Variants in C6orf132 observed in about 807,000 individuals in gnomAD.
C6orf132 encodes the protein chromosome 6 open reading frame 132, also known as uncharacterized protein C6orf132.
C6orf132 carries 43 observed loss-of-function variants against 65.3 expected under a neutral mutation model. That is an observed-to-expected ratio of 0.66 (90% CI 0.52 to 0.85). The LOEUF is 0.85. Among genes scored for constraint, C6orf132 ranks in the 40% least tolerant of loss-of-function variants. C6orf132 has a pLI of 0.00. For missense variants in C6orf132, 1,488 were observed against 1,548.8 expected (o/e 0.96, Z 0.66); for synonymous variants, 631 against 654.1 (o/e 0.96, Z 0.54).
Position 42,101,674 on chromosome 6 carries a change from A to G in C6orf132, c.*2087T>C, listed in dbSNP as rs1766285239. 1 of 152,230 alleles carries G rather than the reference A, an allele frequency of 6.6e-6. No homozygotes were observed. Among genetic ancestry groups the G allele is most frequent in the Non-Finnish European group, 1.5e-5 (1 of 68,050 alleles). 9.4% of individuals were successfully genotyped at this position (152,230 alleles called of 1,614,324 possible). ...GAGCCTTAACATAGCAGATAAATTA[A>G]TGATCTCTTTTATAAAACATTGTAC... On this transcript the variant is annotated 3_prime_UTR_variant, in exon 5 of 5. Coordinates refer to ENST00000341865, the MANE Select transcript of C6orf132 (RefSeq NM_001164446.3).
Position 42,104,385 on chromosome 6 carries a change from G to A in C6orf132, c.3449+78C>T. 1 of 1,226,006 alleles carries A rather than the reference G, an allele frequency of 8.2e-7. No individual in the cohort carries two copies. The highest frequency in any genetic ancestry group is 1.0e-6 in the Non-Finnish European group (1 of 984,634). The allele number at this position is 1,226,006 out of a possible 1,614,324, so 75.9% of individuals were successfully genotyped here. On this transcript the variant is annotated intron_variant, in intron 4 of 4. Transcript: ENST00000341865. This position sits in a 1 kb window ranked among gnomAD's most constrained non-coding sequence, Gnocchi z 4.1. Reference sequence around the variant, plus strand: ...AGAAAACCAAATGTTTTCTCTTGACGGATGGCCGGGACTCCTTGGCCCTCG... The same window carrying A: ...AGAAAACCAAATGTTTTCTCTTGACAGATGGCCGGGACTCCTTGGCCCTCG...
At position 42,104,656 on chromosome 6, in the gene C6orf132, G is replaced by C; in HGVS notation, c.3256C>G (p.Leu1086Val). Residue 1086 changes from leucine (L) to valine (V), a missense_variant, in exon 4 of 5, where the codon CTG becomes GTG. Leu to Val is a conservative substitution (Grantham distance 32). Coordinates refer to ENST00000341865, the MANE Select transcript of C6orf132 (RefSeq NM_001164446.3). This position sits in a 1 kb window ranked among gnomAD's most constrained non-coding sequence, Gnocchi z 4.1. The stretch of plus-strand genomic sequence containing the variant: ...GGCCCGAAGCAGTTGGGAGAGCTCA[G>C]GCTGCGGCCGGTGCCACCGTGGGGT... ...GLPHGGTGRS[L>V]SSPNCFGPQP... The C allele has an allele frequency of 6.7e-7, 1 of 1,493,144 alleles. No homozygotes were observed. The highest frequency in any genetic ancestry group is 1.5e-5 in the African/African-American group (1 of 68,952). The allele number at this position is 1,493,144 out of a possible 1,614,324, so 92.5% of individuals were successfully genotyped here. A position where few individuals can be genotyped will look rare whatever the true frequency, so the allele number is the denominator to read the frequency against.
At chr6:42,133,500 C>T (rs1766888117) in intron 1 of C6orf132, among the ~76,000 whole-genome samples, 1 of 152,140 alleles carries the variant, frequency 6.6e-6, no homozygotes, top group Non-Finnish European at 1.5e-5. Context: ...TGCCCCTGGA[C>T]CCAGGAGCTT....
rs1278340732 is a variant in C6orf132 at position 42,102,634 on chromosome 6, C to T, written c.*1127G>A. On this transcript the variant is annotated 3_prime_UTR_variant, in exon 5 of 5. Transcript: ENST00000341865. ...ATTTGGGCAGGCTGGTCTCGAACTT[C>T]TGACCTCAAGTGATCCACCGGCCTC... The T allele has an allele frequency of 6.6e-6, 1 of 151,270 alleles. No individual in the cohort carries two copies. Among genetic ancestry groups the T allele is most frequent in the Non-Finnish European group, 1.5e-5 (1 of 68,626 alleles). 9.4% of individuals were successfully genotyped at this position (151,270 alleles called of 1,614,324 possible). A position where few individuals can be genotyped will look rare whatever the true frequency, so the allele number is the denominator to read the frequency against.
In C6orf132 at chr6:42,103,481, C is replaced by T. The variant is rs1369596359; in HGVS notation, c.*280G>A. 7.7e-6 allele frequency: 3 copies of T among 389,096 alleles called. No individual in the cohort carries two copies. The highest frequency in any genetic ancestry group is 1.4e-5 in the Non-Finnish European group (3 of 220,946). 24.1% of individuals were successfully genotyped at this position (389,096 alleles called of 1,614,324 possible). The stretch of plus-strand genomic sequence containing the variant: ...ATAGTACCAGAGAGCAGAAACTCAG[C>T]GCCCAGGTCCTTAATGGTTCCTTCT... On this transcript the variant is annotated 3_prime_UTR_variant, in exon 5 of 5. Coordinates refer to ENST00000341865, the MANE Select transcript of C6orf132 (RefSeq NM_001164446.3).
Position 42,106,246 on chromosome 6 carries a change from G to A in C6orf132, c.1666C>T (p.Gln556Ter), listed in dbSNP as rs1396752785. 1 of 1,537,152 alleles carries A rather than the reference G, an allele frequency of 6.5e-7. No homozygotes were observed. Among genetic ancestry groups the A allele is most frequent in the Admixed American group, 2.0e-5 (1 of 51,002 alleles). ...LTLPSVDYIP[Q>*]DSPTPSVRQI... ...CGCACACTGGGAGTTGGAGAGTCTT[G>A]GGGAATGTAGTCCACAGAGGGCAGG... The change falls in exon 4 of 5, where the codon CAA becomes TAA. Residue 556 changes from glutamine (Q) to a stop codon, truncating the protein, a stop_gained. Coordinates refer to ENST00000341865, the MANE Select transcript of C6orf132 (RefSeq NM_001164446.3). LOFTEE classifies it high-confidence loss of function.
intron 2 of C6orf132, among the ~76,000 whole-genome samples, chr6:42,120,755 A>G (rs1429555683): frequency 2.0e-5 from 3 of 151,734 alleles, no homozygotes; most frequent in African/African-American, 7.3e-5. Context: ...CTGAATACTT[A>G]GGACTACAGG....
intron 1 of C6orf132, 149 bp downstream of exon 1, chr6:42,142,151 T>C (rs1767045014): frequency 1.2e-6 from 1 of 845,778 alleles, no homozygotes; most frequent in Admixed American, 2.8e-5. Context: ...CCCTGTGCGG[T>C]GCCTCCTCCC....
rs1162371367 is a variant in C6orf132, at chr6:42,124,808, CAGA to C, written c.252+3861_252+3863del. Among the ~76,000 whole-genome samples, 2 of 152,212 alleles carry C rather than the reference CAGA, an allele frequency of 1.3e-5. No homozygotes were observed. Among genetic ancestry groups the C allele is most frequent in the Non-Finnish European group, 2.9e-5 (2 of 68,034 alleles). On this transcript the variant is annotated intron_variant, in intron 2 of 4. Transcript: ENST00000341865. The surrounding 1 kb of genome is among the most constrained non-coding windows in gnomAD (Gnocchi z 4.0). ...TGGCTAGGGCCTACAGGAGAGGAGT[CAGA>C]AGCTCAGACAGGAGAGAATTAAGCC...
At chr6:42,141,973 G>T (rs991422053) in intron 1 of C6orf132, among the ~76,000 whole-genome samples, 3 of 152,022 alleles carry the variant, frequency 2.0e-5, no homozygotes, top group African/African-American at 4.8e-5. Context: ...AAGCCTTTCC[G>T]CTAACAGTAA....
rs1766335619 is a variant in C6orf132 at position 42,103,701 on chromosome 6, AC to A, written c.*59del. On this transcript the variant is annotated 3_prime_UTR_variant, in exon 5 of 5. Transcript: ENST00000341865. ...GTGTACCTCCCACCCCCCACAAGAAACAAGTGCCCAGATCCTTAAAGACACA... is the reference window on the plus strand; with the variant it reads ...GTGTACCTCCCACCCCCCACAAGAAAAAGTGCCCAGATCCTTAAAGACACA... 1 of 1,126,548 alleles carries A rather than the reference AC, an allele frequency of 8.9e-7. No individual in the cohort carries two copies. The highest frequency in any genetic ancestry group is 1.6e-5 in the African/African-American group (1 of 61,786). 69.8% of individuals were successfully genotyped at this position (1,126,548 alleles called of 1,614,324 possible).
intron 1 of C6orf132, among the ~76,000 whole-genome samples, chr6:42,129,880 AT>A (rs1361044169): frequency 3.3e-5 from 5 of 152,224 alleles, no homozygotes; most frequent in Non-Finnish European, 5.9e-5. Flanking sequence ...GCTAATCATG[AT>A]TACTTTTCTC....
chr6:42,132,772 G>A (rs563952368), intron 1 of C6orf132, among the ~76,000 whole-genome samples: 21 of 150,820 alleles, frequency 1.4e-4, no homozygotes, highest in Non-Finnish European at 2.2e-4. Context: ...CAGGAGAACC[G>A]CTTAAACCCG....
In C6orf132 at chr6:42,119,313, G is replaced by A. The variant is rs371216602; in HGVS notation, c.253-9022C>T. Among the ~76,000 whole-genome samples, 39 of 145,292 alleles carry A rather than the reference G, an allele frequency of 2.7e-4. No homozygotes were observed. In the South Asian group the frequency reaches 8.4e-3, roughly 31 times the overall value. On this transcript the variant is annotated intron_variant, in intron 2 of 4. Coordinates refer to ENST00000341865, the MANE Select transcript of C6orf132 (RefSeq NM_001164446.3). ...GGCCTCCCAAAGTTTGGTACTACAGGTGCAAGCCACCATGCCCAGCTTTCC... is the reference window on the plus strand; with the variant it reads ...GGCCTCCCAAAGTTTGGTACTACAGATGCAAGCCACCATGCCCAGCTTTCC...
chr6:42,111,573 C>T (rs976304755), intron 2 of C6orf132, among the ~76,000 whole-genome samples: 29 of 151,978 alleles, frequency 1.9e-4, no homozygotes, highest in African/African-American at 4.8e-4. Flanking sequence ...TGAGCCACCG[C>T]GCCCAGCCCT....
At chr6:42,138,665 C>T (rs1475642527) in intron 1 of C6orf132, among the ~76,000 whole-genome samples, 4 of 152,202 alleles carry the variant, frequency 2.6e-5, no homozygotes, top group African/African-American at 9.7e-5. Context: ...AGAGAGTCCT[C>T]TAGCAAACAA....
chr6:42,105,949 C>A lies in C6orf132; in HGVS notation c.1963G>T (p.Ala655Ser), dbSNP rs9394864. ...GGTGGTGTGGCTGGCCAAAGTGTAG[C>A]CTTGGGTGGTATGGCTGGCTCAGGT... ...ATPEPAIPPK[A>S]TLWPATPPKA... Residue 655 changes from alanine to serine, a missense_variant, in exon 4 of 5, where the codon GCT becomes TCT. Ala to Ser is a moderately conservative substitution (Grantham distance 99). Transcript: ENST00000341865. The A allele has an allele frequency of 1.3e-6, 2 of 1,536,910 alleles. No individual in the cohort carries two copies. Among genetic ancestry groups the A allele is most frequent in the African/African-American group, 1.4e-5 (1 of 72,980 alleles).
chr6:42,141,001 C>T (rs1234627493), intron 1 of C6orf132, among the ~76,000 whole-genome samples: 1 of 152,228 alleles, frequency 6.6e-6, no homozygotes, highest in Admixed American at 6.5e-5. Context: ...AATGCCCTCT[C>T]CTGTCAGCTC....
At chr6:42,128,869 A>T in intron 1 of C6orf132, 91 bp from the exon 2 acceptor site, 1 of 880,332 alleles carries the variant, frequency 1.1e-6, no homozygotes, top group Non-Finnish European at 1.8e-6. Flanking sequence ...CCCAGTGAGG[A>T]AAGCCAGGGC....
Sources: allele counts gnomAD v4.1 joint callset (sites outside exome capture counted in the v4.1 genomes callset), GRCh38; gene constraint gnomAD v4.1.1; non-coding constraint Gnocchi (gnomAD v3.1); transcripts MANE v1.5; gene names NCBI Gene and HGNC (gene_info 2026-07-23, HGNC 2026-07-21).